Variants in C2CD5 observed in about 807,000 individuals in gnomAD.
C2CD5 encodes the protein C2 domain-containing protein 5.
C2CD5 carries 109 observed loss-of-function variants against 130.3 expected under a neutral mutation model. The observed-to-expected ratio is 0.84, with a 90% CI of 0.72 to 0.98. The LOEUF is 0.98. Among genes scored for constraint, C2CD5 ranks in the 50% least tolerant of loss-of-function variants. The probability of loss-of-function intolerance (pLI) is 0.00; values close to 1 mark genes in which losing one functional copy is unlikely to be tolerated. For missense variants in C2CD5, 996 were observed against 1,261.8 expected, an observed-to-expected ratio of 0.79 and a Z score of 3.19; for synonymous variants, 454 against 429.2, an observed-to-expected ratio of 1.06 and a Z score of -0.71.
chr12:22,497,828 T>C (rs972222314), intron 10 of C2CD5, among the ~76,000 whole-genome samples: 2 of 151,920 alleles, frequency 1.3e-5, no homozygotes, highest in African/African-American at 4.8e-5. Context: ...GAGTCTTTAC[T>C]ATCTGTAAAT....
At chr12:22,498,374 G>A (rs1947323936) in intron 10 of C2CD5, among the ~76,000 whole-genome samples, 1 of 152,036 alleles carries the variant, frequency 6.6e-6, no homozygotes, top group Admixed American at 6.6e-5. Context: ...AAACGTGACT[G>A]AATTGAAACT....
intron 3 of C2CD5, among the ~76,000 whole-genome samples, chr12:22,528,615 T>C (rs777606581): frequency 3.9e-5 from 6 of 152,178 alleles, no homozygotes; most frequent in Non-Finnish European, 7.4e-5. Context: ...ACTATTAAGA[T>C]TGGGACAGAA....
chr12:22,490,166 T>C lies in C2CD5; in HGVS notation c.1315A>G (p.Arg439Gly). The change falls in exon 12 of 27, where the codon AGA (arginine) becomes GGA (glycine). Residue 439 changes from arginine (R) to glycine (G), a missense_variant. Arg to Gly is a moderately radical substitution (Grantham distance 125). Transcript: ENST00000446597. ...ASGTAAVLNP[R>G]FLQDGTVEGC... ...TCCACGGTGCCATCCTGCAGAAATC[T>C]AGGATTCAGTACAGCCGCTGTGCCA... The C allele has an allele frequency of 1.2e-6, 2 of 1,613,718 alleles. No homozygotes were observed. Among genetic ancestry groups the C allele is most frequent in the Non-Finnish European group, 1.7e-6 (2 of 1,179,720 alleles).
At chr12:22,512,579 G>T in intron 9 of C2CD5, 2 of 1,093,668 alleles carry the variant, frequency 1.8e-6, no homozygotes, top group South Asian at 1.6e-5. Flanking sequence ...AAATTTAAAT[G>T]ACCAAGATTA....
In C2CD5 at chr12:22,537,716, A is replaced by T. The variant is rs569017359; in HGVS notation, c.91-2372T>A. Among the ~76,000 whole-genome samples, 3 of 152,176 alleles carry T rather than the reference A, an allele frequency of 2.0e-5. No homozygotes were observed. In the East Asian group the frequency reaches 5.8e-4, roughly 29 times the overall value. On this transcript the variant is annotated intron_variant, in intron 2 of 26. Transcript: ENST00000446597. ...CTGAAAAGTGGGATTGTAAGTGAGC[A>T]TTACATGATATAACACATGTAGAGA...
At chr12:22,453,864 C>G (rs745468520) in intron 26 of C2CD5, 32 bp downstream of exon 26, 32 of 1,602,906 alleles carry the variant, frequency 2.0e-5, no homozygotes, top group Non-Finnish European at 2.5e-5. Context: ...TCTCAGGTTC[C>G]CGCCAATCAG....
intron 4 of C2CD5, among the ~76,000 whole-genome samples, chr12:22,527,328 A>ATTTTT (rs1418166575): frequency 6.9e-5 from 9 of 130,584 alleles, no homozygotes; most frequent in African/African-American, 3.1e-4. Flanking sequence ...ATATATATAT[A>ATTTTT]TATTTTTTTT....
chr12:22,459,435 C>T (rs2136027239), intron 23 of C2CD5, 57 bp downstream of exon 23: 1 of 1,126,266 alleles, frequency 8.9e-7, no homozygotes, highest in Non-Finnish European at 1.3e-6. Flanking sequence ...ATTTTATGCA[C>T]CACCAAACTA....
intron 22 of C2CD5, among the ~76,000 whole-genome samples, chr12:22,468,177 G>A (rs1284152102): frequency 1.3e-5 from 2 of 150,236 alleles, no homozygotes; most frequent in South Asian, 2.1e-4. Flanking sequence ...GTATAAAGTA[G>A]ATGTTAAAGA....
chr12:22,510,164 C>T (rs1949030333), intron 9 of C2CD5, among the ~76,000 whole-genome samples: 1 of 152,056 alleles, frequency 6.6e-6, no homozygotes, highest in South Asian at 2.1e-4. Flanking sequence ...GAGATCATGC[C>T]ATTGCCCTCC....
At chr12:22,502,416 T>C (rs1215645024) in intron 10 of C2CD5, among the ~76,000 whole-genome samples, 1 of 152,130 alleles carries the variant, frequency 6.6e-6, no homozygotes, top group African/African-American at 2.4e-5. Flanking sequence ...TTAAAGCTAA[T>C]GCCTACATCA....
rs192609480 is a variant in C2CD5 at position 22,495,753 on chromosome 12, T to C, written c.1148-2416A>G. Among the ~76,000 whole-genome samples, 1,364 of 152,168 alleles carry C rather than the reference T, an allele frequency of 9.0e-3. 58 individuals are homozygous for C. Among genetic ancestry groups the C allele is most frequent in the Admixed American group, 0.079 (1,204 of 15,238 alleles). ...ATAACATGGGAGCTAAGGAAGCAAA[T>C]GGCATATGTCCACACTCCAGAAAAC... On this transcript the variant is annotated intron_variant, in intron 10 of 26. Transcript: ENST00000446597.
chr12:22,477,623 T>G (rs1379173749), intron 15 of C2CD5, among the ~76,000 whole-genome samples: 3 of 152,190 alleles, frequency 2.0e-5, no homozygotes, highest in Non-Finnish European at 4.4e-5. Flanking sequence ...AAGTCTTTCA[T>G]TATCAGAGAC....
chr12:22,483,933 T>G (rs1396025845), intron 13 of C2CD5, among the ~76,000 whole-genome samples: 2 of 152,040 alleles, frequency 1.3e-5, no homozygotes, highest in Non-Finnish European at 2.9e-5. Flanking sequence ...AGTCTAAAGC[T>G]CAAAAGAAAG....
intron 2 of C2CD5, among the ~76,000 whole-genome samples, chr12:22,537,864 C>T (rs1283075542): frequency 6.6e-6 from 1 of 152,194 alleles, no homozygotes; most frequent in African/African-American, 2.4e-5. Flanking sequence ...ATTGGTAACA[C>T]ACATTAACAT....
At chr12:22,450,306 C>T (rs1232168164) in intron 26 of C2CD5, among the ~76,000 whole-genome samples, 1 of 152,112 alleles carries the variant, frequency 6.6e-6, no homozygotes, top group Non-Finnish European at 1.5e-5. Context: ...CACTCCCTGA[C>T]CCATTAATTC....
chr12:22,533,691 GGAGGAA>G, intron 3 of C2CD5, among the ~76,000 whole-genome samples: 1 of 152,268 alleles, frequency 6.6e-6, no homozygotes, highest in Middle Eastern at 3.4e-3. Context: ...TGGGAAGAAG[GGAGGAA>G]TGAAAAGAGA....
At chr12:22,540,829 A>T (rs997231841) in intron 2 of C2CD5, among the ~76,000 whole-genome samples, 9 of 152,230 alleles carry the variant, frequency 5.9e-5, no homozygotes, top group Non-Finnish European at 1.2e-4. Context: ...ACTACACTCC[A>T]GCCTGGGTGA....
At chr12:22,516,927 CATT>C (rs1485164536) in intron 8 of C2CD5, among the ~76,000 whole-genome samples, 2 of 151,804 alleles carry the variant, frequency 1.3e-5, no homozygotes, top group Admixed American at 1.3e-4. Flanking sequence ...TATTTGTAGA[CATT>C]ATTCACAATT....
Sources: gnomAD v4.1 joint callset for allele counts (sites outside exome capture counted in the v4.1 genomes callset) on GRCh38, gnomAD v4.1.1 for gene constraint, MANE v1.5 for transcripts, NCBI Gene and HGNC (gene_info 2026-07-23, HGNC 2026-07-21) for gene names.